The following HOMER1 variants were observed in gnomAD, a reference collection of about 807,000 sequenced individuals.
The protein encoded by HOMER1 is homer scaffold protein 1.
In HOMER1, 3 loss-of-function variants were observed where a neutral mutation model predicts 48.9. That is an observed-to-expected ratio of 0.06 (90% CI 0.03 to 0.16). The LOEUF (loss-of-function observed/expected upper bound fraction) is 0.16, where lower values mean the gene tolerates loss of function less well. Among genes scored for constraint, HOMER1 ranks in the 10% least tolerant of loss-of-function variants. The pLI, the probability that HOMER1 is intolerant of heterozygous loss-of-function variation, is 1.00. For synonymous variants in HOMER1, 134 were observed against 146.4 expected, an observed-to-expected ratio of 0.92 and a Z score of 0.61; for missense variants, 247 against 411.4, an observed-to-expected ratio of 0.60 and a Z score of 3.46.
intron 5 of HOMER1, among the ~76,000 whole-genome samples, chr5:79,420,557 A>G (rs1263650000): frequency 6.6e-6 from 1 of 152,132 alleles, no homozygotes; most frequent in Admixed American, 6.5e-5. Context: ...TAGTTATGCA[A>G]TTATTTCTCT....
chr5:79,432,709 G>T (rs1198562647), intron 5 of HOMER1, among the ~76,000 whole-genome samples: 1 of 152,050 alleles, frequency 6.6e-6, no homozygotes, highest in African/African-American at 2.4e-5. Flanking sequence ...AACACTCTTA[G>T]TCACTAAATT....
At chr5:79,456,091 G>T (rs1206278860) in intron 2 of HOMER1, among the ~76,000 whole-genome samples, 3 of 148,204 alleles carry the variant, frequency 2.0e-5, no homozygotes, top group East Asian at 2.0e-4. Context: ...GGAGGCAGAG[G>T]TTGCAGTGAG....
In HOMER1 at chr5:79,443,814, A is replaced by T. The variant is rs528766336; in HGVS notation, c.387+3239T>A. Among the ~76,000 whole-genome samples, 6 of 152,334 alleles carry T rather than the reference A, an allele frequency of 3.9e-5. No homozygotes were observed. The South Asian group carries it at 1.2e-3, about 32-fold the overall frequency. On this transcript the variant is annotated intron_variant, in intron 4 of 8. Transcript: ENST00000334082. ...AAATTCAGATTCTAGAACTCCCATT[A>T]TTAACCATGACCTGACACTGTGTCG...
chr5:79,438,704 G>A (rs1750660963), intron 5 of HOMER1, among the ~76,000 whole-genome samples: 1 of 152,096 alleles, frequency 6.6e-6, no homozygotes, highest in Non-Finnish European at 1.5e-5. Flanking sequence ...TTAAAAGACA[G>A]GTAGAAGCAA....
At chr5:79,454,557 G>A (rs1430748720) in intron 2 of HOMER1, among the ~76,000 whole-genome samples, 2 of 151,844 alleles carry the variant, frequency 1.3e-5, no homozygotes, top group Admixed American at 1.3e-4. Flanking sequence ...ACTAAATAAA[G>A]CTTCACGGAA....
intron 1 of HOMER1, among the ~76,000 whole-genome samples, chr5:79,459,840 G>T (rs899035736): frequency 2.0e-5 from 3 of 152,136 alleles, no homozygotes; most frequent in Non-Finnish European, 2.9e-5. Context: ...TTGCACAGTG[G>T]GAGGAGGGCT....
intron 5 of HOMER1, among the ~76,000 whole-genome samples, chr5:79,417,668 T>C (rs1749982581): frequency 6.6e-6 from 1 of 152,210 alleles, no homozygotes; most frequent in South Asian, 2.1e-4. Flanking sequence ...GTAATAGCAT[T>C]ATAATCATTA....
At chr5:79,510,259 A>T (rs1034369269) in intron 1 of HOMER1, among the ~76,000 whole-genome samples, 3 of 152,140 alleles carry the variant, frequency 2.0e-5, no homozygotes, top group Non-Finnish European at 4.4e-5. Flanking sequence ...ATAGAACTTT[A>T]TTAACTAAAG....
intron 4 of HOMER1, among the ~76,000 whole-genome samples, chr5:79,441,941 C>T (rs1052893525): frequency 6.6e-6 from 1 of 150,810 alleles, no homozygotes; most frequent in Non-Finnish European, 1.5e-5. Flanking sequence ...ATTTCCTAAA[C>T]ATCCTACTTC....
intron 8 of HOMER1, among the ~76,000 whole-genome samples, chr5:79,380,178 T>C (rs943302962): frequency 4.6e-5 from 7 of 152,130 alleles, no homozygotes; most frequent in Non-Finnish European, 8.8e-5. Flanking sequence ...ATTTCCACCA[T>C]GAATCCTGCA....
intron 1 of HOMER1, among the ~76,000 whole-genome samples, chr5:79,478,286 T>C (rs1206042437): frequency 2.0e-5 from 3 of 152,252 alleles, no homozygotes; most frequent in Non-Finnish European, 2.9e-5. Context: ...TTATGCATGG[T>C]GTTCAGATTA....
In HOMER1 at chr5:79,406,971, C is replaced by A. The variant is rs570708572; in HGVS notation, c.528-4916G>T. ...CCCATTCTGTCGTCTATTATAGCAG[C>A]CTTCCACTGCAGGAAGGTCAAGACT... On this transcript the variant is annotated intron_variant, in intron 5 of 8. Coordinates refer to ENST00000334082, the MANE Select transcript of HOMER1 (RefSeq NM_004272.5). Among the ~76,000 whole-genome samples, 106 of 152,278 alleles carry A rather than the reference C, an allele frequency of 7.0e-4. 1 individual carries two copies. Among genetic ancestry groups the A allele is most frequent in the Non-Finnish European group, 1.3e-3 (88 of 68,018 alleles).
intron 1 of HOMER1, chr5:79,510,924 A>C (rs1443693999): frequency 1.0e-5 from 6 of 590,034 alleles, no homozygotes; most frequent in Non-Finnish European, 1.8e-5. Flanking sequence ...ACGTGAGGAC[A>C]GGACTGGTGC....
intron 1 of HOMER1, among the ~76,000 whole-genome samples, chr5:79,490,523 C>T (rs1193092627): frequency 6.6e-6 from 1 of 152,062 alleles, no homozygotes; most frequent in Non-Finnish European, 1.5e-5. Flanking sequence ...GATTACTCAT[C>T]ATAAATAATA....
chr5:79,378,961 T>C (rs1282336465), intron 8 of HOMER1, among the ~76,000 whole-genome samples: 2 of 149,250 alleles, frequency 1.3e-5, no homozygotes, highest in Non-Finnish European at 3.0e-5. Flanking sequence ...ATGGTGCTAG[T>C]CTATTTTTAG....
chr5:79,433,584 C>CA (rs1561361996), intron 5 of HOMER1, among the ~76,000 whole-genome samples: 1 of 151,776 alleles, frequency 6.6e-6, no homozygotes, highest in Non-Finnish European at 1.5e-5. Context: ...AACAAACAAA[C>CA]AAAAAAGATT....
intron 1 of HOMER1, among the ~76,000 whole-genome samples, chr5:79,462,368 A>C (rs1751339562): frequency 6.6e-6 from 1 of 152,240 alleles, no homozygotes; most frequent in African/African-American, 2.4e-5. Context: ...TCATAAACGA[A>C]TTCTAGGAAA....
intron 5 of HOMER1, among the ~76,000 whole-genome samples, chr5:79,421,482 G>C (rs548822487): frequency 6.6e-6 from 1 of 152,018 alleles, no homozygotes; most frequent in African/African-American, 2.4e-5. Flanking sequence ...GTTTACTATG[G>C]CCTATAATCA....
chr5:79,477,271 C>T (rs1751807561), intron 1 of HOMER1, among the ~76,000 whole-genome samples: 1 of 152,184 alleles, frequency 6.6e-6, no homozygotes, highest in Non-Finnish European at 1.5e-5. Context: ...AATCCGGAAA[C>T]TATTTATTGG....
Sources: gnomAD v4.1 joint callset for allele counts (sites outside exome capture counted in the v4.1 genomes callset) on GRCh38, gnomAD v4.1.1 for gene constraint, MANE v1.5 for transcripts, NCBI Gene and HGNC (gene_info 2026-07-23, HGNC 2026-07-21) for gene names.